Variants in NELFB observed in about 807,000 individuals in gnomAD.
NELFB encodes the protein negative elongation factor B.
NELFB carries 34 observed loss-of-function variants against 60.2 expected under a neutral mutation model. The observed-to-expected ratio is 0.56, with a 90% CI of 0.43 to 0.75. NELFB has a LOEUF of 0.75. Ranked by LOEUF, NELFB falls within the 30% of genes least tolerant of loss-of-function variation. The pLI, the probability that NELFB is intolerant of heterozygous loss-of-function variation, is 0.00. For synonymous variants in NELFB, 459 were observed against 382.1 expected (o/e 1.20, Z -2.35); for missense variants, 770 against 831.6 (o/e 0.93, Z 0.91).
At chr9:137,262,071 A>G (rs1423288929) in intron 4 of NELFB, among the ~76,000 whole-genome samples, 1 of 152,132 alleles carries the variant, frequency 6.6e-6, no homozygotes. Context: ...GACTACTGCT[A>G]TCTAGAAGGC....
intron 10 of NELFB, among the ~76,000 whole-genome samples, chr9:137,268,443 G>A (rs1830545259): frequency 1.3e-5 from 2 of 152,288 alleles, no homozygotes; most frequent in South Asian, 4.1e-4. Flanking sequence ...AAAATTGGTT[G>A]GGCATGGTGG....
At chr9:137,266,080 C>G in intron 7 of NELFB, 101 bp downstream of exon 7, 1 of 968,988 alleles carries the variant, frequency 1.0e-6, no homozygotes, top group East Asian at 2.6e-5. Context: ...GTGGAGGCAG[C>G]TGTTGGGGCC....
Position 137,263,193 on chromosome 9 carries a change from G to A in NELFB, c.898G>A (p.Glu300Lys). 6.2e-7 allele frequency: 1 copy of A among 1,613,254 alleles called. No homozygotes were observed. Among genetic ancestry groups the A allele is most frequent in the African/African-American group, 1.3e-5 (1 of 75,018 alleles). ...GTCCCTGCACGACCTGGACGTGGGT[G>A]AAATCTGCACCGTGGACCCGTGCCA... The change falls in exon 5 of 13, where the codon GAA (glutamate) becomes AAA (lysine). Residue 300 changes from glutamate (E) to lysine (K), a missense_variant. By Grantham distance (56) the Glu-to-Lys change is moderately conservative. Coordinates refer to ENST00000343053, the MANE Select transcript of NELFB (RefSeq NM_015456.5).
rs570383485 is a variant in NELFB, at chr9:137,269,313, G to T, written c.1489+1967G>T. On this transcript the variant is annotated intron_variant, in intron 10 of 12. Coordinates refer to ENST00000343053, the MANE Select transcript of NELFB (RefSeq NM_015456.5). The surrounding 1 kb of genome is among the most constrained non-coding windows in gnomAD (Gnocchi z 5.3). ...CAGCGCAGGCAGACATGACCTCCTG[G>T]GCTTCTGCGGGTGCCAACACTGCCG... 2.6e-5 allele frequency among the ~76,000 whole-genome samples: 4 copies of T among 152,230 alleles called. No individual in the cohort carries two copies. In the South Asian group the frequency reaches 6.2e-4, roughly 24 times the overall value.
chr9:137,264,190 T>C, intron 5 of NELFB, 55 bp from the exon 6 acceptor site: 1 of 1,379,092 alleles, frequency 7.3e-7, no homozygotes, highest in Non-Finnish European at 1.0e-6. Flanking sequence ...GGGGCCTGGG[T>C]CTCTGGTCAT....
chr9:137,272,453 C>G (rs1830594665), intron 11 of NELFB, 54 bp from the exon 12 acceptor site: 1 of 1,549,926 alleles, frequency 6.5e-7, no homozygotes, highest in Non-Finnish European at 8.8e-7. Flanking sequence ...TGGGCTGGGC[C>G]TGGGCAGACA....
intron 4 of NELFB, among the ~76,000 whole-genome samples, chr9:137,257,725 C>T (rs1247618924): frequency 1.3e-5 from 2 of 152,096 alleles, no homozygotes; most frequent in Non-Finnish European, 2.9e-5. Flanking sequence ...TGGTCTTGAA[C>T]TCCTGACCTC....
In NELFB at chr9:137,272,242, T is replaced by A. The variant is rs1462721844; in HGVS notation, c.1631+20T>A. Reference sequence around the variant, plus strand: ...TCCAAGGTAGGCCTGCTGGGTACCATCCGGCCCGCTCTGTCCTCTCAGCTC... The same window carrying A: ...TCCAAGGTAGGCCTGCTGGGTACCAACCGGCCCGCTCTGTCCTCTCAGCTC... On this transcript the variant is annotated intron_variant, in intron 11 of 12. Coordinates refer to ENST00000343053, the MANE Select transcript of NELFB (RefSeq NM_015456.5). 6.2e-7 allele frequency: 1 copy of A among 1,612,786 alleles called. No individual in the cohort carries two copies. The highest frequency in any genetic ancestry group is 8.5e-7 in the Non-Finnish European group (1 of 1,179,208).
Position 137,264,285 on chromosome 9 carries a change from T to A in NELFB, c.968T>A (p.Val323Glu). ...GACGCCTGCATCCGAGAGCGGTTCG[T>A]GGACAGCAAGAGGGCGCGGGAGCTG... is the stretch of plus-strand genomic sequence containing the variant. Residue 323 changes from valine (V) to glutamate (E), a missense_variant, in exon 6 of 13, where the codon GTG (valine) becomes GAG (glutamate). Val to Glu is a moderately radical substitution (Grantham distance 121). Coordinates refer to ENST00000343053, the MANE Select transcript of NELFB (RefSeq NM_015456.5). 1.9e-6 allele frequency: 3 copies of A among 1,604,764 alleles called. No individual in the cohort carries two copies. The highest frequency in any genetic ancestry group is 2.5e-6 in the Non-Finnish European group (3 of 1,176,746).
Position 137,272,771 on chromosome 9 carries a change from G to A in NELFB, c.1741-11G>A. On this transcript the variant is annotated splice_polypyrimidine_tract_variant and intron_variant, in intron 12 of 12. Transcript: ENST00000343053. The stretch of plus-strand genomic sequence containing the variant: ...TGCGCCTCGCCTGCCCCATGGTGTG[G>A]TTCCCCGCAGAGCGGAGAGGCAGTG... The A allele has an allele frequency of 6.5e-7, 1 of 1,540,106 alleles. No individual in the cohort carries two copies. The highest frequency in any genetic ancestry group is 1.2e-5 in the South Asian group (1 of 82,866).
rs181724065 is a variant in NELFB at position 137,259,920 on chromosome 9, C to T, written c.741+2866C>T. ...TTTGTATTTTTTTTTTTAGTAGAGA[C>T]GGGGTTTCACAGTGTTAGCCAGGAT... is the stretch of plus-strand genomic sequence containing the variant. On this transcript the variant is annotated intron_variant, in intron 4 of 12. Transcript: ENST00000343053. Among the ~76,000 whole-genome samples the T allele has an allele frequency of 3.4e-3, 514 of 149,452 alleles. 2 individuals carry two copies. The highest frequency in any genetic ancestry group is 0.012 in the African/African-American group (481 of 40,780).
chr9:137,268,025 C>T (rs1422166331), intron 10 of NELFB, among the ~76,000 whole-genome samples: 1 of 152,166 alleles, frequency 6.6e-6, no homozygotes, highest in Non-Finnish European at 1.5e-5. Context: ...TCCTGGGGGC[C>T]TTGACGGGGG....
rs144478705 is a variant in NELFB at position 137,272,540 on chromosome 9, C to T, written c.1665C>T (p.Leu555=). 5.6e-6 allele frequency: 9 copies of T among 1,612,462 alleles called. No individual in the cohort carries two copies. Among genetic ancestry groups the T allele is most frequent in the Middle Eastern group, 1.7e-4 (1 of 6,038 alleles). Residue 555 remains leucine (L), a synonymous_variant, in exon 12 of 13, where the codon CTC becomes CTT. Coordinates refer to ENST00000343053, the MANE Select transcript of NELFB (RefSeq NM_015456.5). ...ACGTGCACCGGCACGCGCTGCGGCTCCTCATTCACCTGCACCCCAGGGTGG... is the reference window on the plus strand; with the variant it reads ...ACGTGCACCGGCACGCGCTGCGGCTTCTCATTCACCTGCACCCCAGGGTGG...
At chr9:137,268,565 G>A (rs1271249797) in intron 10 of NELFB, among the ~76,000 whole-genome samples, 1 of 152,146 alleles carries the variant, frequency 6.6e-6, no homozygotes, top group Non-Finnish European at 1.5e-5. Flanking sequence ...CAGCCCAGGC[G>A]ACAGAGCGAG....
Position 137,267,397 on chromosome 9 carries a change from G to A in NELFB, c.1489+51G>A, listed in dbSNP as rs186762786. On this transcript the variant is annotated intron_variant, in intron 10 of 12. Coordinates refer to ENST00000343053, the MANE Select transcript of NELFB (RefSeq NM_015456.5). Reference sequence around the variant, plus strand: ...CTGTGTCTTCCCTGCGGCAGCTGCCGTATGCAGTCCTGCCCAGGGTGCGGG... The same window carrying A: ...CTGTGTCTTCCCTGCGGCAGCTGCCATATGCAGTCCTGCCCAGGGTGCGGG... 4.4e-4 allele frequency: 670 copies of A among 1,524,642 alleles called. 4 individuals carry two copies. Among genetic ancestry groups the A allele is most frequent in the East Asian group, 2.3e-3 (93 of 41,024 alleles). 94.4% of individuals were successfully genotyped at this position (1,524,642 alleles called of 1,614,324 possible).
At chr9:137,268,108 C>T (rs554259751) in intron 10 of NELFB, among the ~76,000 whole-genome samples, 1 of 152,142 alleles carries the variant, frequency 6.6e-6, no homozygotes, top group East Asian at 1.9e-4. Context: ...TGCAGGTCCC[C>T]TGGGAGATGG....
At chr9:137,271,149 G>GGCCTTGCTGCTGGATCCCCTGGTC (rs1830579191) in intron 10 of NELFB, among the ~76,000 whole-genome samples, 4 of 152,268 alleles carry the variant, frequency 2.6e-5, no homozygotes, top group African/African-American at 9.6e-5. Context: ...TGCCCAGTGG[G>GGCCTTGCTGCTGGATCCCCTGGTC]GCCTTGCTGC....
chr9:137,265,631 A>G (rs1409959364), intron 6 of NELFB, among the ~76,000 whole-genome samples: 6 of 151,316 alleles, frequency 4.0e-5, no homozygotes, highest in Non-Finnish European at 8.8e-5. Context: ...CTGGTGATCC[A>G]TCCGCCTCGG....
rs1264570821 is a variant in NELFB at position 137,265,768 on chromosome 9, G to T, written c.1041-109G>T. The T allele has an allele frequency of 1.2e-5, 9 of 725,908 alleles. 1 individual carries two copies. Among genetic ancestry groups the T allele is most frequent in the East Asian group, 7.9e-5 (3 of 38,154 alleles). The allele number at this position is 725,908 out of a possible 1,614,324, so 45.0% of individuals were successfully genotyped here. On this transcript the variant is annotated intron_variant, in intron 6 of 12. Coordinates refer to ENST00000343053, the MANE Select transcript of NELFB (RefSeq NM_015456.5). ...TTGTAAGAAACCCAGCATGTGATGG[G>T]CACCCGCTGCCAGTCCTGAATTCAG...
Sources: gnomAD v4.1 joint callset for allele counts (sites outside exome capture counted in the v4.1 genomes callset) on GRCh38, gnomAD v4.1.1 for gene constraint, Gnocchi (gnomAD v3.1) non-coding constraint, MANE v1.5 for transcripts, NCBI Gene and HGNC (gene_info 2026-07-23, HGNC 2026-07-21) for gene names.